Variants in ARPP21 observed in about 807,000 individuals in gnomAD.
ARPP21 encodes cAMP-regulated phosphoprotein 21.
A neutral mutation model predicts 113.2 loss-of-function variants in ARPP21; 69 were observed. The ratio of observed to expected loss-of-function variants is 0.61; its 90% CI spans 0.50 to 0.74. The LOEUF is 0.74. Among genes scored for constraint, ARPP21 ranks in the 30% least tolerant of loss-of-function variants. The pLI, the probability that ARPP21 is intolerant of heterozygous loss-of-function variation, is 0.00. For synonymous variants in ARPP21, 368 were observed against 375.5 expected (o/e 0.98, Z 0.23); for missense variants, 1,070 against 1,037.4 (o/e 1.03, Z -0.43).
At chr3:35,726,052 T>C (rs894308893) in intron 14 of ARPP21, among the ~76,000 whole-genome samples, 1 of 152,196 alleles carries the variant, frequency 6.6e-6, no homozygotes, top group African/African-American at 2.4e-5. Context: ...TATCTGAAGA[T>C]CAGTTCTCAT....
chr3:35,732,251 C>T (rs1392548879), intron 15 of ARPP21, among the ~76,000 whole-genome samples: 3 of 152,156 alleles, frequency 2.0e-5, no homozygotes, highest in Non-Finnish European at 4.4e-5. Context: ...CCTTTGTCAG[C>T]ACAATTGACT....
Position 35,743,918 on chromosome 3 carries a change from A to G in ARPP21, c.2090A>G (p.Tyr697Cys), listed in dbSNP as rs1017776676. 2 of 1,614,050 alleles carry G rather than the reference A, an allele frequency of 1.2e-6. No individual in the cohort carries two copies. The highest frequency in any genetic ancestry group is 1.7e-6 in the Non-Finnish European group (2 of 1,179,986). ...QQYRPMAPVQYNAQRSQQMPQ... is the reference protein window; with the variant it reads ...QQYRPMAPVQCNAQRSQQMPQ... ...TACCGGCCCATGGCCCCGGTTCAGT[A>G]CAACGCTCAGAGGAGTCAACAGATG... The change falls in exon 19 of 21, where the codon TAC becomes TGC. Residue 697 changes from tyrosine (Y) to cysteine (C), a missense_variant. Physicochemically the swap from Tyr to Cys is radical, Grantham distance 194 (BLOSUM62 -2). Coordinates refer to ENST00000684406, the MANE Select transcript of ARPP21 (RefSeq NM_001385562.1).
intron 19 of ARPP21, among the ~76,000 whole-genome samples, chr3:35,772,593 G>C (rs191571486): frequency 7.2e-5 from 11 of 152,274 alleles, no homozygotes; most frequent in Non-Finnish European, 1.5e-5. Flanking sequence ...GCATCCTCCT[G>C]GGTGGACCTC....
chr3:35,793,712 C>T lies in ARPP21; in HGVS notation c.2298C>T (p.Thr766=). 1 of 1,613,496 alleles carries T rather than the reference C, an allele frequency of 6.2e-7. No individual in the cohort carries two copies. Among genetic ancestry groups the T allele is most frequent in the Non-Finnish European group, 8.5e-7 (1 of 1,179,504 alleles). The change falls in exon 21 of 21, where the codon ACC becomes ACT. Residue 766 remains threonine (T), a synonymous_variant. Transcript: ENST00000684406. ...GTGTCTTTTTACAGGTGCCAATGAC[C>T]CAGGGTTCTCAAGGACTGCCCCAGC... ...PTMSSYQVPM[T]QGSQGLPQQS...
chr3:35,705,011 A>C lies in ARPP21; in HGVS notation c.687-1963A>C, dbSNP rs566741635. 2.6e-5 allele frequency among the ~76,000 whole-genome samples: 4 copies of C among 152,228 alleles called. 1 individual carries two copies. The highest frequency in any genetic ancestry group is 9.6e-5 in the African/African-American group (4 of 41,566). On this transcript the variant is annotated intron_variant, in intron 9 of 20. Coordinates refer to ENST00000684406, the MANE Select transcript of ARPP21 (RefSeq NM_001385562.1). Reference sequence around the variant, plus strand: ...GAGATAATTTTATTTGTAAATGAACAATTACAGACTATTACAAACAAATAC... The same window carrying C: ...GAGATAATTTTATTTGTAAATGAACCATTACAGACTATTACAAACAAATAC...
intron 13 of ARPP21, among the ~76,000 whole-genome samples, chr3:35,719,720 T>G (rs905416505): frequency 6.6e-6 from 1 of 152,184 alleles, no homozygotes; most frequent in Non-Finnish European, 1.5e-5. Context: ...ATCCATCTCA[T>G]GCATCCTGTA....
At chr3:35,704,821 A>G (rs560070932) in intron 9 of ARPP21, among the ~76,000 whole-genome samples, 56 of 152,072 alleles carry the variant, frequency 3.7e-4, no homozygotes, top group Non-Finnish European at 5.9e-4. Context: ...GGTTCTAGGC[A>G]CTAAGACTTA....
chr3:35,652,661 A>C (rs534183074), intron 1 of ARPP21, among the ~76,000 whole-genome samples: 1 of 152,130 alleles, frequency 6.6e-6, no homozygotes, highest in African/African-American at 2.4e-5. Context: ...TTACTGGGTA[A>C]ATTTACCTAA....
chr3:35,765,695 A>G (rs1160519725), intron 19 of ARPP21, among the ~76,000 whole-genome samples: 2 of 152,190 alleles, frequency 1.3e-5, no homozygotes, highest in Non-Finnish European at 2.9e-5. Context: ...ATAAAATGAG[A>G]AAGATAGAAA....
intron 15 of ARPP21, among the ~76,000 whole-genome samples, chr3:35,733,496 C>T (rs893971269): frequency 1.3e-5 from 2 of 150,234 alleles, no homozygotes; most frequent in South Asian, 2.1e-4. Context: ...CAGTTTCTGA[C>T]GTGAAAACCT....
At chr3:35,689,256 C>T in intron 6 of ARPP21, 51 bp from the exon 7 acceptor site, 1 of 861,174 alleles carries the variant, frequency 1.2e-6, no homozygotes, top group Non-Finnish European at 2.0e-6. Context: ...CCTTTTCTAC[C>T]CCACCTTTCC....
intron 19 of ARPP21, among the ~76,000 whole-genome samples, chr3:35,781,076 C>T (rs756123494): frequency 6.6e-5 from 10 of 152,066 alleles, no homozygotes; most frequent in Non-Finnish European, 1.2e-4. Context: ...CGTGGTCCTG[C>T]TATGTCATTA....
At chr3:35,657,721 T>C (rs1436119302) in intron 1 of ARPP21, among the ~76,000 whole-genome samples, 1 of 152,056 alleles carries the variant, frequency 6.6e-6, no homozygotes, top group South Asian at 2.1e-4. Flanking sequence ...GTTGACTTAG[T>C]CCTAAAGGCA....
intron 10 of ARPP21, chr3:35,707,596 T>C: frequency 2.2e-6 from 1 of 453,862 alleles, no homozygotes; most frequent in Non-Finnish European, 4.5e-6. Context: ...GAGAAAAGAA[T>C]TGAGTTCATG....
intron 9 of ARPP21, among the ~76,000 whole-genome samples, chr3:35,698,188 C>T (rs986932394): frequency 1.8e-4 from 28 of 151,628 alleles, no homozygotes; most frequent in Admixed American, 1.6e-3. Flanking sequence ...TATTTGTTCA[C>T]ATTGGTCAAA....
chr3:35,769,880 G>A (rs551384266), intron 19 of ARPP21, among the ~76,000 whole-genome samples: 1 of 152,282 alleles, frequency 6.6e-6, no homozygotes, highest in African/African-American at 2.4e-5. Flanking sequence ...AGGGCATATG[G>A]TGGTTTGGCT....
chr3:35,743,254 T>C (rs1437273342), intron 18 of ARPP21, among the ~76,000 whole-genome samples: 3 of 152,358 alleles, frequency 2.0e-5, no homozygotes, highest in African/African-American at 7.2e-5. Context: ...AATGTAGGTT[T>C]TCGTTGTTGA....
intron 11 of ARPP21, among the ~76,000 whole-genome samples, chr3:35,713,411 T>G (rs1039609896): frequency 6.6e-6 from 1 of 151,970 alleles, no homozygotes; most frequent in Non-Finnish European, 1.5e-5. Flanking sequence ...TTTTTTTTTA[T>G]TTTTTTGAGA....
At position 35,729,407 on chromosome 3, in the gene ARPP21, G is replaced by A. The variant is rs2093784970; in HGVS notation, c.1330G>A (p.Gly444Ser). 2 of 1,613,990 alleles carry A rather than the reference G, an allele frequency of 1.2e-6. No individual in the cohort carries two copies. Among genetic ancestry groups the A allele is most frequent in the African/African-American group, 2.7e-5 (2 of 74,904 alleles). The change falls in exon 15 of 21, where the codon GGC becomes AGC. Residue 444 changes from glycine (G) to serine (S), a missense_variant. Coordinates refer to ENST00000684406, the MANE Select transcript of ARPP21 (RefSeq NM_001385562.1). ...CTCAGGTGTGGCAGCTGGCTCTCCAGGCTGTGTGCCTTATCCAGAGAATGG... is the reference window on the plus strand; with the variant it reads ...CTCAGGTGTGGCAGCTGGCTCTCCAAGCTGTGTGCCTTATCCAGAGAATGG... Reference protein sequence around the residue: ...LVSGVAAGSPGCVPYPENGIG... With the variant: ...LVSGVAAGSPSCVPYPENGIG...
Sources: gnomAD v4.1 joint callset for allele counts (sites outside exome capture counted in the v4.1 genomes callset) on GRCh38, gnomAD v4.1.1 for gene constraint, MANE v1.5 for transcripts, NCBI Gene and HGNC (gene_info 2026-07-23, HGNC 2026-07-21) for gene names.